OR6B3: variants seen among roughly 807,000 people sequenced by gnomAD.
OR6B3 encodes the protein olfactory receptor family 6 subfamily B member 3, also known as olfactory receptor 6B3.
For missense variants in OR6B3, 315 were observed against 427.4 expected (o/e 0.74, Z 2.32); for synonymous variants, 148 against 187.8 (o/e 0.79, Z 1.73).
intron 1 of OR6B3, 145 bp from the exon 3 acceptor site, chr2:240,046,242 C>G: frequency 1.6e-6 from 1 of 607,328 alleles, no homozygotes; most frequent in Non-Finnish European, 2.9e-6. Context: ...AAGCAGCTCC[C>G]CACCCAGATA....
upstream of OR6B3, among the ~76,000 whole-genome samples, chr2:240,050,855 T>C (rs1225155164): frequency 6.6e-6 from 1 of 151,704 alleles, no homozygotes; most frequent in African/African-American, 2.4e-5. Context: ...GGAATTAGAA[T>C]AGTAAAATTT....
chr2:240,048,904 T>A (rs1317612993), upstream of OR6B3, among the ~76,000 whole-genome samples: 1 of 152,124 alleles, frequency 6.6e-6, no homozygotes, highest in Non-Finnish European at 1.5e-5. Context: ...CCAAGAGTCT[T>A]TGAGGATGTT....
chr2:240,045,228 G>A, exon 2 of OR6B3: 1 of 1,614,176 alleles, frequency 6.2e-7, no homozygotes, highest in Non-Finnish European at 8.5e-7. Context: ...CAAGATGGGG[G>A]TGATAACTGT....
At chr2:240,050,739 G>C (rs1431843651), upstream of OR6B3, among the ~76,000 whole-genome samples, 3 of 129,800 alleles carry the variant, frequency 2.3e-5, no homozygotes, top group Non-Finnish European at 4.7e-5. Context: ...AAAAAAAAAG[G>C]AAAAAAAAAA....
downstream of OR6B3, among the ~76,000 whole-genome samples, chr2:240,044,898 T>A (rs992129093): frequency 6.6e-6 from 1 of 152,238 alleles, no homozygotes; most frequent in African/African-American, 2.4e-5. Context: ...CATTAAGCTT[T>A]ACTAACTACA....
upstream of OR6B3, among the ~76,000 whole-genome samples, chr2:240,051,232 A>G (rs560565499): frequency 1.5e-4 from 23 of 152,316 alleles, no homozygotes; most frequent in African/African-American, 4.6e-4. Flanking sequence ...GCTATTTACC[A>G]AGCACCTAAT....
At chr2:240,051,436 C>T (rs568549401), upstream of OR6B3, among the ~76,000 whole-genome samples, 6 of 152,106 alleles carry the variant, frequency 3.9e-5, no homozygotes, top group African/African-American at 7.2e-5. Flanking sequence ...CAGAGAAAAC[C>T]GACAGGCCCA....
chr2:240,051,436 C>A (rs568549401), upstream of OR6B3, among the ~76,000 whole-genome samples: 45 of 152,224 alleles, frequency 3.0e-4, no homozygotes, highest in African/African-American at 1.1e-3. Flanking sequence ...CAGAGAAAAC[C>A]GACAGGCCCA....
chr2:240,048,799 G>A (rs968393819), upstream of OR6B3, among the ~76,000 whole-genome samples: 6 of 152,106 alleles, frequency 3.9e-5, no homozygotes, highest in African/African-American at 9.7e-5. Flanking sequence ...CTTAAATCCC[G>A]GATCTTTAAA....
chr2:240,045,606 G>C, exon 2 of OR6B3: 1 of 1,480,312 alleles, frequency 6.8e-7, no homozygotes, highest in Non-Finnish European at 9.4e-7. Context: ...CTTGATCATG[G>C]AGATGGTGAA....
downstream of OR6B3, chr2:240,045,031 T>C (rs765948027): frequency 1.3e-5 from 19 of 1,506,018 alleles, no homozygotes; most frequent in Admixed American, 1.6e-4. Flanking sequence ...AAGTAATTTT[T>C]AAATAAATGC....
chr2:240,048,347 G>A (rs1265490635), upstream of OR6B3, among the ~76,000 whole-genome samples: 1 of 152,110 alleles, frequency 6.6e-6, no homozygotes, highest in East Asian at 1.9e-4. Flanking sequence ...CCCCACTCTG[G>A]CTGCTTCTGC....
upstream of OR6B3, among the ~76,000 whole-genome samples, chr2:240,050,096 G>A (rs1192027811): frequency 6.7e-6 from 1 of 148,272 alleles, no homozygotes; most frequent in African/African-American, 2.5e-5. Context: ...AAAAAAATCA[G>A]TTGTGACAAT....
chr2:240,047,438 C>A (rs1435851812), upstream of OR6B3, among the ~76,000 whole-genome samples: 1 of 152,180 alleles, frequency 6.6e-6, no homozygotes, highest in Non-Finnish European at 1.5e-5. Context: ...TGAAACAGCA[C>A]TGATCGTATG....
chr2:240,045,574 T>A, exon 2 of OR6B3: 1 of 1,551,452 alleles, frequency 6.4e-7, no homozygotes, highest in Non-Finnish European at 8.9e-7. Context: ...CCACAGAACG[T>A]GACGCTGGAG....
chr2:240,047,189 C>T (rs778943789), upstream of OR6B3, among the ~76,000 whole-genome samples: 1 of 152,020 alleles, frequency 6.6e-6, no homozygotes, highest in African/African-American at 2.4e-5. Context: ...CAGAGAAGAC[C>T]CCTTCAGAAG....
chr2:240,045,058 A>G, downstream of OR6B3: 1 of 1,544,040 alleles, frequency 6.5e-7, no homozygotes, highest in East Asian at 2.3e-5. Context: ...ACAATAATGC[A>G]AACAGTCAAA....
Position 240,045,488 on chromosome 2 carries a change from T to C in OR6B3, c.585A>G (p.Ala195=), listed in dbSNP as rs370186900. The C allele has an allele frequency of 3.3e-5, 54 of 1,613,904 alleles. No homozygotes were observed. In the African/African-American group the frequency reaches 6.5e-4, roughly 20 times the overall value. ...AGGCCAGAATGAAATCCACCAGCTCTGCAGTGGAGAAGTCCGTGCAGGCCA... is the reference window on the plus strand; with the variant it reads ...AGGCCAGAATGAAATCCACCAGCTCCGCAGTGGAGAAGTCCGTGCAGGCCA... The change falls in exon 2 of 2, where the codon GCA becomes GCG. Residue 195 remains alanine, a synonymous_variant. Transcript: ENST00000641019.
chr2:240,053,199 G>A, the OR6B3 span, among the ~76,000 whole-genome samples: 2 of 152,102 alleles, frequency 1.3e-5, no homozygotes, highest in Non-Finnish European at 2.9e-5. This position sits in a 1 kb window ranked among gnomAD's most constrained non-coding sequence, Gnocchi z 4.1. Flanking sequence ...CTGTATATTG[G>A]GTATATTGGG....
Sources: allele counts gnomAD v4.1 joint callset (sites outside exome capture counted in the v4.1 genomes callset), GRCh38; gene constraint gnomAD v4.1.1; non-coding constraint Gnocchi (gnomAD v3.1); transcripts MANE v1.5; gene names NCBI Gene and HGNC (gene_info 2026-07-23, HGNC 2026-07-21).